DIP2B: variants seen among roughly 807,000 people sequenced by gnomAD.
The protein encoded by DIP2B is disco-interacting protein 2 homolog B.
Under a neutral mutation model 198.0 loss-of-function variants are expected in DIP2B, and 76 were observed. The observed-to-expected ratio is 0.38, with a 90% CI of 0.32 to 0.46. The LOEUF (loss-of-function observed/expected upper bound fraction) is 0.46. DIP2B is among the 20% of genes least tolerant of loss of function. DIP2B has a pLI of 0.99. For synonymous variants in DIP2B, 701 were observed against 739.1 expected (o/e 0.95, Z 0.84); for missense variants, 1,559 against 1,978.4 (o/e 0.79, Z 4.02).
At chr12:50,542,248 C>CAAAAAAAAAA (rs35430997) in intron 1 of DIP2B, among the ~76,000 whole-genome samples, 2 of 51,042 alleles carry the variant, frequency 3.9e-5, no homozygotes, top group African/African-American at 7.1e-5. Flanking sequence ...GACTCCGTCT[C>CAAAAAAAAAA]AAAAAAAAAA....
chr12:50,744,144 GGT>G, intron 37 of DIP2B, among the ~76,000 whole-genome samples: 1 of 152,114 alleles, frequency 6.6e-6, no homozygotes. Flanking sequence ...TGGGACTACG[GGT>G]GCTCACCACC....
chr12:50,594,188 C>T (rs1857561055), intron 1 of DIP2B, among the ~76,000 whole-genome samples: 1 of 151,658 alleles, frequency 6.6e-6, no homozygotes, highest in Non-Finnish European at 1.5e-5. Context: ...AGGTAATCCA[C>T]CCGCCTCAGC....
intron 1 of DIP2B, among the ~76,000 whole-genome samples, chr12:50,555,716 G>A (rs1004055696): frequency 7.2e-5 from 11 of 151,790 alleles, no homozygotes; most frequent in African/African-American, 2.4e-4. Context: ...ATCTCATTGG[G>A]CCTCTCACCT....
intron 1 of DIP2B, among the ~76,000 whole-genome samples, chr12:50,529,931 AT>A (rs1958200952): frequency 6.6e-6 from 1 of 152,236 alleles, no homozygotes; most frequent in African/African-American, 2.4e-5. Context: ...TATCCATTAA[AT>A]TGAATTTCAC....
intron 1 of DIP2B, among the ~76,000 whole-genome samples, chr12:50,606,806 T>TC (rs1491523313): frequency 1.4e-5 from 2 of 138,144 alleles, no homozygotes; most frequent in East Asian, 4.0e-4. Flanking sequence ...TCTTTTTCTG[T>TC]TTTTTTTTTT....
chr12:50,616,434 T>A (rs188304662), intron 1 of DIP2B, among the ~76,000 whole-genome samples: 2 of 152,368 alleles, frequency 1.3e-5, no homozygotes, highest in Admixed American at 1.3e-4. Context: ...AATTCTCATC[T>A]TCTTTCAACA....
chr12:50,541,768 G>A (rs1958327982), intron 1 of DIP2B, among the ~76,000 whole-genome samples: 1 of 152,120 alleles, frequency 6.6e-6, no homozygotes, highest in Non-Finnish European at 1.5e-5. Flanking sequence ...TTGGGAGGCC[G>A]AGGTGGGTGG....
At chr12:50,640,986 C>A in intron 3 of DIP2B, 134 bp downstream of exon 3, 3 of 1,122,498 alleles carry the variant, frequency 2.7e-6, no homozygotes, top group Non-Finnish European at 3.7e-6. Context: ...ACTCATTCAC[C>A]AATCATTTAT....
intron 1 of DIP2B, among the ~76,000 whole-genome samples, chr12:50,563,288 A>G (rs985542564): frequency 6.6e-6 from 1 of 151,966 alleles, no homozygotes; most frequent in Admixed American, 6.6e-5. Flanking sequence ...CTGGGCTCAA[A>G]CGATTCTTCC....
chr12:50,665,263 A>C (rs1172806509), intron 4 of DIP2B, among the ~76,000 whole-genome samples: 1 of 152,220 alleles, frequency 6.6e-6, no homozygotes, highest in Non-Finnish European at 1.5e-5. Flanking sequence ...TTCACATACT[A>C]ATGACCGCCC....
chr12:50,680,718 T>C lies in DIP2B; in HGVS notation c.1161T>C (p.Asn387=), dbSNP rs924113881. The change falls in exon 9 of 38, where the codon AAT becomes AAC. Residue 387 remains asparagine (N), a synonymous_variant. Coordinates refer to ENST00000301180, the MANE Select transcript of DIP2B (RefSeq NM_173602.3). The stretch of plus-strand genomic sequence containing the variant: ...TAAAGTTGGCCTACACACTTCTTAA[T>C]AAACTGGGGACCAAAAATGAACCTG... ...RSLKLAYTLL[N]KLGTKNEPVL... 1.9e-6 allele frequency: 3 copies of C among 1,613,818 alleles called. No homozygotes were observed. Among genetic ancestry groups the C allele is most frequent in the Non-Finnish European group, 2.5e-6 (3 of 1,179,908 alleles).
chr12:50,682,383 T>C (rs1939055272), intron 9 of DIP2B, among the ~76,000 whole-genome samples: 1 of 152,058 alleles, frequency 6.6e-6, no homozygotes, highest in South Asian at 2.1e-4. Flanking sequence ...CCCAGCACTT[T>C]GGGAGGCCAA....
chr12:50,653,422 C>CT (rs1249062981), intron 3 of DIP2B, among the ~76,000 whole-genome samples: 2 of 149,192 alleles, frequency 1.3e-5, no homozygotes, highest in African/African-American at 2.5e-5. Context: ...CTCACTACAG[C>CT]CTCAGTTCTC....
At chr12:50,693,871 C>A (rs1939261044) in intron 14 of DIP2B, among the ~76,000 whole-genome samples, 1 of 152,032 alleles carries the variant, frequency 6.6e-6, no homozygotes, top group African/African-American at 2.4e-5. Flanking sequence ...TTTCTTTGGG[C>A]AAGTTAGAGA....
At chr12:50,607,208 T>C (rs1221126065) in intron 1 of DIP2B, among the ~76,000 whole-genome samples, 2 of 152,018 alleles carry the variant, frequency 1.3e-5, no homozygotes, top group African/African-American at 2.4e-5. Flanking sequence ...AAGTACTCTG[T>C]TGGGAGCTTT....
chr12:50,608,086 C>T (rs1392702801), intron 1 of DIP2B, among the ~76,000 whole-genome samples: 1 of 152,146 alleles, frequency 6.6e-6, no homozygotes, highest in Non-Finnish European at 1.5e-5. Flanking sequence ...AGCCACTGCA[C>T]CGGGCCACAA....
At chr12:50,695,609 C>A (rs1039782336) in intron 15 of DIP2B, among the ~76,000 whole-genome samples, 17 of 152,176 alleles carry the variant, frequency 1.1e-4, no homozygotes, top group Admixed American at 2.6e-4. Context: ...GTTTCCTTGG[C>A]TGGGACACTG....
chr12:50,662,471 C>T (rs1279969360), intron 4 of DIP2B, among the ~76,000 whole-genome samples: 5 of 152,212 alleles, frequency 3.3e-5, no homozygotes, highest in African/African-American at 7.2e-5. Flanking sequence ...GGGAAGAACT[C>T]TTATCATAAG....
chr12:50,735,121 G>A lies in DIP2B; in HGVS notation c.4092G>A (p.Glu1364=), dbSNP rs1318701896. The part of the protein sequence containing the change: ...RGAPQSLLLS[E]SGKILPGVKV... The stretch of plus-strand genomic sequence containing the variant: ...CCCCTCAGAGTTTGCTTCTCTCAGA[G>A]TCTGGAAAGGTAATTTGTTCTGTTG... The change falls in exon 34 of 38, where the codon GAG becomes GAA. Residue 1364 remains glutamate, a synonymous_variant. Coordinates refer to ENST00000301180, the MANE Select transcript of DIP2B (RefSeq NM_173602.3). 1.9e-6 allele frequency: 3 copies of A among 1,614,078 alleles called. No homozygotes were observed. The highest frequency in any genetic ancestry group is 2.5e-6 in the Non-Finnish European group (3 of 1,180,026).
Sources: gnomAD v4.1 joint callset for allele counts (sites outside exome capture counted in the v4.1 genomes callset) on GRCh38, gnomAD v4.1.1 for gene constraint, MANE v1.5 for transcripts, NCBI Gene and HGNC (gene_info 2026-07-23, HGNC 2026-07-21) for gene names.